ICE2: variants seen among roughly 807,000 people sequenced by gnomAD.
The protein encoded by ICE2 is interactor of little elongation complex ELL subunit 2.
A neutral mutation model predicts 105.4 loss-of-function variants in ICE2; 87 were observed. The ratio of observed to expected loss-of-function variants is 0.83; its 90% CI spans 0.69 to 0.99. The LOEUF is 0.99. Ranked by LOEUF, ICE2 falls within the 50% of genes least tolerant of loss-of-function variation. ICE2 has a pLI of 0.00. For synonymous variants in ICE2, 399 were observed against 392.0 expected (o/e 1.02, Z -0.21); for missense variants, 1,323 against 1,146.7 (o/e 1.15, Z -2.22).
chr15:60,434,325 T>C (rs1192346307), intron 13 of ICE2, among the ~76,000 whole-genome samples: 3 of 152,224 alleles, frequency 2.0e-5, no homozygotes, highest in Admixed American at 6.5e-5. Context: ...AGTTTTTGAC[T>C]GTACTATCCT....
At chr15:60,470,694 A>G (rs2064567104) in intron 3 of ICE2, among the ~76,000 whole-genome samples, 1 of 152,220 alleles carries the variant, frequency 6.6e-6, no homozygotes, top group South Asian at 2.1e-4. Context: ...AATACTTTAA[A>G]TGAACTTAAA....
chr15:60,473,170 T>C (rs1487855421), intron 3 of ICE2, among the ~76,000 whole-genome samples: 1 of 152,102 alleles, frequency 6.6e-6, no homozygotes, highest in Non-Finnish European at 1.5e-5. Flanking sequence ...CTTGAACTCC[T>C]GGCCTCAAGT....
At chr15:60,458,761 G>A (rs1201077207) in intron 5 of ICE2, among the ~76,000 whole-genome samples, 2 of 151,804 alleles carry the variant, frequency 1.3e-5, no homozygotes, top group Non-Finnish European at 2.9e-5. Flanking sequence ...ACACACAACG[G>A]GATATTAATC....
At chr15:60,454,518 C>T (rs1466809701) in intron 8 of ICE2, among the ~76,000 whole-genome samples, 3 of 151,984 alleles carry the variant, frequency 2.0e-5, no homozygotes, top group Non-Finnish European at 4.4e-5. Flanking sequence ...ACTACAGGTG[C>T]TATAGACCTA....
chr15:60,423,614 A>G lies in ICE2; in HGVS notation c.*20T>C. ...CTGTTATAACTGTTTTTTTAAATTT[A>G]GTTTTCCATGGTACAGTCCTCAAGT... On this transcript the variant is annotated 3_prime_UTR_variant, in exon 16 of 16. Transcript: ENST00000261520. The G allele has an allele frequency of 6.3e-7, 1 of 1,583,706 alleles. No individual in the cohort carries two copies. The highest frequency in any genetic ancestry group is 1.2e-5 in the South Asian group (1 of 86,904).
At chr15:60,462,395 AAG>A (rs2141120679) in intron 5 of ICE2, among the ~76,000 whole-genome samples, 1 of 152,312 alleles carries the variant, frequency 6.6e-6, no homozygotes, top group East Asian at 1.9e-4. Flanking sequence ...GAAAACTGCT[AAG>A]AGAGTAGATT....
At position 60,450,460 on chromosome 15, in the gene ICE2, T is replaced by C. The variant is rs147459606; in HGVS notation, c.1126-619A>G. ...ATAAATATTGTTTTTCATGTACTGT[T>C]TTGGTAATGGAAAAACTACACACGG... On this transcript the variant is annotated intron_variant, in intron 9 of 15. Coordinates refer to ENST00000261520, the MANE Select transcript of ICE2 (RefSeq NM_024611.6). 1.2e-3 allele frequency among the ~76,000 whole-genome samples: 188 copies of C among 152,300 alleles called. 1 individual carries two copies. Among genetic ancestry groups the C allele is most frequent in the Non-Finnish European group, 2.2e-4 (15 of 68,026 alleles).
Position 60,478,031 on chromosome 15 carries a change from A to G in ICE2, c.-54T>C. 6.5e-7 allele frequency: 1 copy of G among 1,547,086 alleles called. No individual in the cohort carries two copies. Among genetic ancestry groups the G allele is most frequent in the Non-Finnish European group, 8.9e-7 (1 of 1,119,418 alleles). On this transcript the variant is annotated 5_prime_UTR_variant, in exon 2 of 16. Transcript: ENST00000261520. The stretch of plus-strand genomic sequence containing the variant: ...CACAGTTCACAGCTGCCTGGCTGCG[A>G]AGGCTCCAAGAGGCAGGATCCCTCC...
chr15:60,464,003 A>G (rs2141127733), intron 5 of ICE2, among the ~76,000 whole-genome samples: 1 of 152,324 alleles, frequency 6.6e-6, no homozygotes, highest in East Asian at 1.9e-4. Context: ...GATGTTTACT[A>G]TATAATTATC....
At chr15:60,452,021 G>T (rs1467779829) in intron 9 of ICE2, 4 of 877,900 alleles carry the variant, frequency 4.6e-6, no homozygotes, top group East Asian at 1.2e-4. Context: ...TAAAAGGAGG[G>T]TCCAAATTAC....
rs1443569010 is a variant in ICE2 at position 60,468,060 on chromosome 15, C to T, written c.408+1G>A. The stretch of plus-strand genomic sequence containing the variant: ...CTGAAACTGAAGAACACAATACATA[C>T]CAAGTACTGCAAGTAGTCATTTTTA... On this transcript the variant is annotated splice_donor_variant, in intron 4 of 15. Transcript: ENST00000261520. LOFTEE classifies it high-confidence loss of function. 6.2e-7 allele frequency: 1 copy of T among 1,608,762 alleles called. No individual in the cohort carries two copies. Among genetic ancestry groups the T allele is most frequent in the East Asian group, 2.2e-5 (1 of 44,778 alleles).
chr15:60,435,319 G>C (rs999537575), intron 13 of ICE2, among the ~76,000 whole-genome samples: 1 of 149,528 alleles, frequency 6.7e-6, no homozygotes, highest in Non-Finnish European at 1.5e-5. Context: ...CACATGTAGG[G>C]CCAGGCGCAG....
At chr15:60,460,197 C>CA (rs2064236002) in intron 5 of ICE2, among the ~76,000 whole-genome samples, 1 of 152,056 alleles carries the variant, frequency 6.6e-6, no homozygotes, top group African/African-American at 2.4e-5. Context: ...AAAACAGAGT[C>CA]AAAAAATTGA....
chr15:60,469,849 A>C (rs1375649695), intron 3 of ICE2, among the ~76,000 whole-genome samples: 2 of 152,222 alleles, frequency 1.3e-5, no homozygotes. Context: ...AAATTAAAGT[A>C]TATGAACACA....
At position 60,422,883 on chromosome 15, in the gene ICE2, C is replaced by T. The variant is rs1345602985; in HGVS notation, c.*751G>A. The T allele has an allele frequency of 6.6e-6, 1 of 152,110 alleles. No individual in the cohort carries two copies. The highest frequency in any genetic ancestry group is 1.9e-4 in the East Asian group (1 of 5,194). 9.4% of individuals were successfully genotyped at this position (152,110 alleles called of 1,614,324 possible). Reference sequence around the variant, plus strand: ...TGCTTTACCACATTAACCTTGTCATCTGGAGCAATGACACTGACTTTTTTT... The same window carrying T: ...TGCTTTACCACATTAACCTTGTCATTTGGAGCAATGACACTGACTTTTTTT... On this transcript the variant is annotated 3_prime_UTR_variant, in exon 16 of 16. Transcript: ENST00000261520.
intron 2 of ICE2, among the ~76,000 whole-genome samples, chr15:60,477,500 T>C (rs892944465): frequency 3.3e-5 from 5 of 152,246 alleles, no homozygotes; most frequent in African/African-American, 1.2e-4. Context: ...GTTCTCTATT[T>C]GCAAAGTTCT....
chr15:60,439,158 ATTACAACTGT>A (rs1468818181), intron 12 of ICE2: 2 of 152,244 alleles, frequency 1.3e-5, no homozygotes, highest in Non-Finnish European at 2.9e-5. Flanking sequence ...AATAGGGAAA[ATTACAACTGT>A]TTGGTTACCT....
chr15:60,476,667 A>G (rs2064771516), intron 2 of ICE2, among the ~76,000 whole-genome samples: 1 of 152,242 alleles, frequency 6.6e-6, no homozygotes, highest in East Asian at 1.9e-4. Context: ...CTGGTTTGCT[A>G]AAACCACCTC....
At chr15:60,441,602 C>T (rs1176841011) in intron 12 of ICE2, 1 of 152,026 alleles carries the variant, frequency 6.6e-6, no homozygotes, top group Non-Finnish European at 1.5e-5. Flanking sequence ...AAAGACTGCA[C>T]TAAGAGATCA....
Sources: allele counts gnomAD v4.1 joint callset (sites outside exome capture counted in the v4.1 genomes callset), GRCh38; gene constraint gnomAD v4.1.1; transcripts MANE v1.5; gene names NCBI Gene and HGNC (gene_info 2026-07-23, HGNC 2026-07-21).